The following EYA1 variants were observed in gnomAD, a reference collection of about 807,000 sequenced individuals.
EYA1 encodes the protein protein phosphatase EYA1.
In EYA1, 16 loss-of-function variants were observed where a neutral mutation model predicts 82.0. The observed-to-expected ratio is 0.20, with a 90% CI of 0.13 to 0.30. EYA1 has a LOEUF of 0.30. Among genes scored for constraint, EYA1 ranks in the 10% least tolerant of loss-of-function variants. The pLI, the probability that EYA1 is intolerant of heterozygous loss-of-function variation, is 1.00. For missense variants in EYA1, 633 were observed against 730.7 expected (o/e 0.87, Z 1.54); for synonymous variants, 261 against 264.4 (o/e 0.99, Z 0.12).
chr8:71,446,393 G>A (rs1423695616), intron 2 of EYA1, among the ~76,000 whole-genome samples: 2 of 151,994 alleles, frequency 1.3e-5, no homozygotes, highest in African/African-American at 4.8e-5. Context: ...TGTGAAGAAG[G>A]TGACTGCTTC....
intron 7 of EYA1, among the ~76,000 whole-genome samples, chr8:71,303,250 T>C (rs549059871): frequency 7.0e-6 from 1 of 141,854 alleles, no homozygotes; most frequent in African/African-American, 2.5e-5. Flanking sequence ...ACCTATCATC[T>C]GTCCATCTAT....
chr8:71,218,098 A>T (rs939714841), intron 12 of EYA1, among the ~76,000 whole-genome samples: 4 of 152,216 alleles, frequency 2.6e-5, no homozygotes, highest in Non-Finnish European at 5.9e-5. Context: ...AATACCCCAG[A>T]GGCCTTTATT....
At chr8:71,500,270 T>G (rs1811719436) in intron 2 of EYA1, among the ~76,000 whole-genome samples, 1 of 152,220 alleles carries the variant, frequency 6.6e-6, no homozygotes, top group African/African-American at 2.4e-5. Flanking sequence ...CAAATATGTA[T>G]AATAGCAATG....
chr8:71,396,723 T>G (rs1459253412), intron 2 of EYA1, among the ~76,000 whole-genome samples: 2 of 152,198 alleles, frequency 1.3e-5, no homozygotes, highest in African/African-American at 4.8e-5. Flanking sequence ...ATGTGGTCAA[T>G]TTTGGAATAA....
In EYA1 at chr8:71,540,702, A is replaced by G. The variant is rs78132783; in HGVS notation, c.-72-4854T>C. On this transcript the variant is annotated intron_variant, in intron 1 of 18. Transcript: ENST00000643681. ...TTGGATGCCATATTTTTCATCTCTAATGAACCAGAGACCCATCAGATACTG... is the reference window on the plus strand; with the variant it reads ...TTGGATGCCATATTTTTCATCTCTAGTGAACCAGAGACCCATCAGATACTG... 1.2e-4 allele frequency among the ~76,000 whole-genome samples: 18 copies of G among 152,278 alleles called. No individual in the cohort carries two copies. In the East Asian group the frequency reaches 3.1e-3, roughly 26 times the overall value.
intron 1 of EYA1, chr8:71,356,844 A>G (rs1826935255): frequency 4.6e-6 from 3 of 649,418 alleles, no homozygotes; most frequent in Admixed American, 1.1e-4. Context: ...AGCTTGGAAA[A>G]GGTGCTTGGA....
At chr8:71,260,414 T>A (rs1814954854) in intron 11 of EYA1, among the ~76,000 whole-genome samples, 1 of 152,224 alleles carries the variant, frequency 6.6e-6, no homozygotes, top group African/African-American at 2.4e-5. Context: ...AATTTATAAG[T>A]ACATTAAATA....
chr8:71,361,763 G>A lies in EYA1; in HGVS notation c.-171C>T. ...GGATGGGTACGCGCGGGGGCTCTCA[G>A]GCGCTCTGGTGCAGCCGCGGCGCTT... On this transcript the variant is annotated 5_prime_UTR_variant, in exon 1 of 18. Coordinates refer to ENST00000340726, the MANE Select transcript of EYA1 (RefSeq NM_000503.6). 2 of 985,526 alleles carry A rather than the reference G, an allele frequency of 2.0e-6. No homozygotes were observed. Among genetic ancestry groups the A allele is most frequent in the South Asian group, 4.7e-5 (1 of 21,294 alleles). 61.0% of individuals were successfully genotyped at this position (985,526 alleles called of 1,614,324 possible). A position where few individuals can be genotyped will look rare whatever the true frequency, so the allele number is the denominator to read the frequency against.
In EYA1 at chr8:71,402,757, T is replaced by C. The variant is rs1830024593; in HGVS notation, c.34-46246A>G. Among the ~76,000 whole-genome samples the C allele has an allele frequency of 2.6e-5, 4 of 152,152 alleles. No homozygotes were observed. The South Asian group carries it at 6.2e-4, about 24-fold the overall frequency. On this transcript the variant is annotated intron_variant, in intron 2 of 18. Transcript: ENST00000643681. Reference sequence around the variant, plus strand: ...ATGGTATGCTTTTGGCATAGGAATATATACAGAAATTAGCAGAATAACAAA... The same window carrying C: ...ATGGTATGCTTTTGGCATAGGAATACATACAGAAATTAGCAGAATAACAAA...
At chr8:71,258,630 T>G (rs895487769) in intron 11 of EYA1, among the ~76,000 whole-genome samples, 1 of 151,994 alleles carries the variant, frequency 6.6e-6, no homozygotes, top group Non-Finnish European at 1.5e-5. Flanking sequence ...CGGAAGGGAG[T>G]ACATTCTCAC....
intron 9 of EYA1, among the ~76,000 whole-genome samples, chr8:71,278,169 T>C (rs984925504): frequency 6.6e-6 from 1 of 151,540 alleles, no homozygotes; most frequent in Non-Finnish European, 1.5e-5. Context: ...CCTGTGGATG[T>C]ACAACACTTA....
intron 9 of EYA1, among the ~76,000 whole-genome samples, chr8:71,291,480 G>A (rs950714843): frequency 6.6e-6 from 1 of 152,052 alleles, no homozygotes; most frequent in East Asian, 1.9e-4. Flanking sequence ...CACACGTGAA[G>A]GTAGATTTCA....
At chr8:71,306,257 A>C (rs1563434568) in intron 7 of EYA1, among the ~76,000 whole-genome samples, 1 of 82,030 alleles carries the variant, frequency 1.2e-5, no homozygotes, top group Non-Finnish European at 2.6e-5. Context: ...AGATCAGAGA[A>C]TAGAAAGTTT....
chr8:71,340,742 C>T (rs1825031598), intron 3 of EYA1, among the ~76,000 whole-genome samples: 1 of 152,020 alleles, frequency 6.6e-6, no homozygotes, highest in Non-Finnish European at 1.5e-5. Context: ...TGCTTCATGA[C>T]CTAAAATGAT....
chr8:71,407,978 T>G (rs1369050086), intron 2 of EYA1, among the ~76,000 whole-genome samples: 1 of 150,780 alleles, frequency 6.6e-6, no homozygotes. Context: ...GAGAGAAAGG[T>G]CGGGTTACCC....
intron 12 of EYA1, among the ~76,000 whole-genome samples, chr8:71,227,405 C>T (rs888489102): frequency 6.6e-6 from 1 of 152,146 alleles, no homozygotes; most frequent in Non-Finnish European, 1.5e-5. Flanking sequence ...CAACTCTAGG[C>T]TTGCTGTGAA....
chr8:71,508,673 TC>T (rs1812376920), intron 2 of EYA1, among the ~76,000 whole-genome samples: 1 of 152,126 alleles, frequency 6.6e-6, no homozygotes, highest in Non-Finnish European at 1.5e-5. Flanking sequence ...GAAGGCACCA[TC>T]CATGAACAAA....
At chr8:71,292,209 G>C (rs1819079978) in intron 9 of EYA1, among the ~76,000 whole-genome samples, 1 of 152,020 alleles carries the variant, frequency 6.6e-6, no homozygotes, top group Admixed American at 6.5e-5. Flanking sequence ...TTTACGATCA[G>C]TACAAGATGA....
intron 1 of EYA1, among the ~76,000 whole-genome samples, chr8:71,543,157 T>C (rs961614930): frequency 6.6e-6 from 1 of 152,098 alleles, no homozygotes; most frequent in Non-Finnish European, 1.5e-5. Flanking sequence ...TCTTCCAGGG[T>C]TTTTATAGTT....
Sources: gnomAD v4.1 joint callset for allele counts (sites outside exome capture counted in the v4.1 genomes callset) on GRCh38, gnomAD v4.1.1 for gene constraint, MANE v1.5 for transcripts, NCBI Gene and HGNC (gene_info 2026-07-23, HGNC 2026-07-21) for gene names.